The following HS3ST5 variants were observed in gnomAD, a reference collection of about 807,000 sequenced individuals.
The protein encoded by HS3ST5 is heparan sulfate glucosamine 3-O-sulfotransferase 5.
A neutral mutation model predicts 25.4 loss-of-function variants in HS3ST5; 10 were observed. The observed-to-expected ratio is 0.39, with a 90% CI of 0.24 to 0.67. HS3ST5 has a LOEUF of 0.67. Ranked by LOEUF, HS3ST5 falls within the 30% of genes least tolerant of loss-of-function variation. The pLI is 0.44. For synonymous variants in HS3ST5, 170 were observed against 162.4 expected (o/e 1.05, Z -0.36); for missense variants, 324 against 420.7 (o/e 0.77, Z 2.01).
chr6:114,317,896 A>G (rs1483694580), intron 1 of HS3ST5, among the ~76,000 whole-genome samples: 2 of 152,146 alleles, frequency 1.3e-5, no homozygotes, highest in Non-Finnish European at 2.9e-5. Context: ...AATTACATTA[A>G]AACACACACA....
intron 1 of HS3ST5, among the ~76,000 whole-genome samples, chr6:114,240,718 G>C (rs776386021): frequency 6.6e-6 from 1 of 152,144 alleles, no homozygotes; most frequent in Non-Finnish European, 1.5e-5. Flanking sequence ...ACACAGAGCC[G>C]TAACTGTAGT....
intron 3 of HS3ST5, among the ~76,000 whole-genome samples, chr6:114,128,831 C>T (rs1156295785): frequency 6.6e-6 from 1 of 152,172 alleles, no homozygotes; most frequent in African/African-American, 2.4e-5. Flanking sequence ...CCTTATAGCT[C>T]TCAGTGTTGC....
intron 3 of HS3ST5, among the ~76,000 whole-genome samples, chr6:114,149,548 A>G (rs1050924195): frequency 2.0e-5 from 3 of 151,966 alleles, no homozygotes; most frequent in African/African-American, 7.3e-5. Flanking sequence ...ACATAGACAC[A>G]GGGAGGGGAA....
chr6:114,107,199 A>G (rs1323446263), intron 3 of HS3ST5, among the ~76,000 whole-genome samples: 3 of 152,178 alleles, frequency 2.0e-5, no homozygotes, highest in Admixed American at 6.5e-5. Context: ...ATAATTCATC[A>G]TGAACAAGTG....
intron 3 of HS3ST5, among the ~76,000 whole-genome samples, chr6:114,166,639 CAA>C (rs1381922547): frequency 6.6e-6 from 1 of 152,114 alleles, no homozygotes; most frequent in Non-Finnish European, 1.5e-5. Context: ...GTAAAAGGAC[CAA>C]TCTCACAGTG....
At chr6:114,059,967 T>A (rs1024464652) in intron 4 of HS3ST5, among the ~76,000 whole-genome samples, 9 of 152,304 alleles carry the variant, frequency 5.9e-5, no homozygotes, top group Admixed American at 4.6e-4. Context: ...TTATGATTTT[T>A]AAAACAACTC....
At chr6:114,083,504 A>G (rs910163431) in intron 3 of HS3ST5, among the ~76,000 whole-genome samples, 5 of 152,100 alleles carry the variant, frequency 3.3e-5, no homozygotes, top group Middle Eastern at 3.2e-3. Flanking sequence ...GCTCCAGGTC[A>G]TTAAGGAGAC....
rs938244995 is a variant in HS3ST5, at chr6:114,057,187, G to A, written c.*70C>T. ...TTGGATAGCTCTGCCTAGGAAAAGT[G>A]CATATTTTAATCTACAGGAGACATT... On this transcript the variant is annotated 3_prime_UTR_variant, in exon 5 of 5. Transcript: ENST00000312719. The A allele has an allele frequency of 9.1e-7, 1 of 1,102,682 alleles. No individual in the cohort carries two copies. The highest frequency in any genetic ancestry group is 2.4e-5 in the East Asian group (1 of 42,184). 68.3% of individuals were successfully genotyped at this position (1,102,682 alleles called of 1,614,324 possible).
chr6:114,179,457 A>G (rs1479474560), intron 2 of HS3ST5, among the ~76,000 whole-genome samples: 4 of 152,140 alleles, frequency 2.6e-5, no homozygotes, highest in Admixed American at 6.5e-5. Flanking sequence ...TAAAGTACCC[A>G]AGTTACAATG....
chr6:114,239,658 T>C (rs565710021), intron 1 of HS3ST5, among the ~76,000 whole-genome samples: 1 of 152,148 alleles, frequency 6.6e-6, no homozygotes, highest in African/African-American at 2.4e-5. Flanking sequence ...TTGGATGCAG[T>C]TGGCCTCCAT....
At chr6:114,133,436 A>C (rs1777444902) in intron 3 of HS3ST5, among the ~76,000 whole-genome samples, 1 of 152,316 alleles carries the variant, frequency 6.6e-6, no homozygotes, top group African/African-American at 2.4e-5. Flanking sequence ...GTGTGCACGT[A>C]TATACACAGT....
At chr6:114,132,208 C>CA (rs1248306425) in intron 3 of HS3ST5, 2 of 152,164 alleles carry the variant, frequency 1.3e-5, no homozygotes, top group African/African-American at 4.8e-5. Flanking sequence ...GTAATCAGTA[C>CA]ACTTGCATGA....
intron 1 of HS3ST5, among the ~76,000 whole-genome samples, chr6:114,229,759 T>C (rs1037283470): frequency 3.9e-5 from 6 of 152,210 alleles, no homozygotes; most frequent in Non-Finnish European, 8.8e-5. Flanking sequence ...CTCTTCTCTC[T>C]TTCACACATT....
chr6:114,057,811 C>T lies in HS3ST5; in HGVS notation c.487G>A (p.Glu163Lys). The change falls in exon 5 of 5, where the codon GAG (glutamate) becomes AAG (lysine). Residue 163 changes from glutamate to lysine, a missense_variant. Glu to Lys is a moderately conservative substitution (Grantham distance 56, BLOSUM62 1). Transcript: ENST00000312719. ...TTGTAAATCCTTTCTGGAACCTCCT[C>T]TGTGATAAAATATGCTGGGCTCTTT... Reference protein sequence around the residue: ...IEKSPAYFITEEVPERIYKMN... With the variant: ...IEKSPAYFITKEVPERIYKMN... 1 of 1,614,142 alleles carries T rather than the reference C, an allele frequency of 6.2e-7. No individual in the cohort carries two copies. Among genetic ancestry groups the T allele is most frequent in the Non-Finnish European group, 8.5e-7 (1 of 1,180,036 alleles).
In HS3ST5 at chr6:114,265,666, A is replaced by T. The variant is rs560036407; in HGVS notation, c.-338-36888T>A. 6.6e-5 allele frequency among the ~76,000 whole-genome samples: 10 copies of T among 152,298 alleles called. No homozygotes were observed. The East Asian group carries it at 1.9e-3, about 29-fold the overall frequency. ...GTGAAAATCCCTGGCCAAGATTACC[A>T]ATGACCTTCATACCAAATCTAATGA... is the stretch of plus-strand genomic sequence containing the variant. On this transcript the variant is annotated intron_variant, in intron 1 of 4. Coordinates refer to ENST00000312719, the MANE Select transcript of HS3ST5 (RefSeq NM_153612.4).
At chr6:114,165,743 C>T (rs751353305) in intron 3 of HS3ST5, among the ~76,000 whole-genome samples, 16 of 152,118 alleles carry the variant, frequency 1.1e-4, no homozygotes, top group East Asian at 1.9e-4. Context: ...ATTAGACTTG[C>T]GCCGGAAATT....
chr6:114,339,420 A>T (rs1167974629), intron 1 of HS3ST5, among the ~76,000 whole-genome samples: 1 of 152,152 alleles, frequency 6.6e-6, no homozygotes, highest in East Asian at 1.9e-4. Flanking sequence ...CCCCTTTTCT[A>T]AAAAATCCTA....
intron 3 of HS3ST5, among the ~76,000 whole-genome samples, chr6:114,067,052 T>A (rs904706492): frequency 6.6e-6 from 1 of 152,206 alleles, no homozygotes; most frequent in Admixed American, 6.5e-5. Context: ...GTTCTCCATA[T>A]GCCTTTTCTC....
chr6:114,159,358 G>T (rs768261989), intron 3 of HS3ST5, among the ~76,000 whole-genome samples: 7 of 152,112 alleles, frequency 4.6e-5, no homozygotes, highest in Non-Finnish European at 1.0e-4. Context: ...TCAATAGTAG[G>T]CTGGGTAAGT....
Sources: gnomAD v4.1 joint callset for allele counts (sites outside exome capture counted in the v4.1 genomes callset) on GRCh38, gnomAD v4.1.1 for gene constraint, MANE v1.5 for transcripts, NCBI Gene and HGNC (gene_info 2026-07-23, HGNC 2026-07-21) for gene names.